CEP112: variants seen among roughly 807,000 people sequenced by gnomAD.
CEP112 encodes the protein centrosomal protein 112, also known as centrosomal protein of 112 kDa.
A neutral mutation model predicts 153.0 loss-of-function variants in CEP112; 127 were observed. The ratio of observed to expected loss-of-function variants is 0.83; its 90% confidence interval spans 0.72 to 0.96. The LOEUF is 0.96. CEP112 is among the 40% of genes least tolerant of loss of function. The probability of loss-of-function intolerance (pLI) is 0.00; values close to 1 mark genes in which losing one functional copy is unlikely to be tolerated. For missense variants in CEP112, 1,089 were observed against 1,101.2 expected, an observed-to-expected ratio of 0.99 and a Z score of 0.16; for synonymous variants, 358 against 374.4, an observed-to-expected ratio of 0.96 and a Z score of 0.51.
chr17:65,744,950 C>T (rs539821015), intron 22 of CEP112, among the ~76,000 whole-genome samples: 132 of 152,290 alleles, frequency 8.7e-4, no homozygotes, highest in Middle Eastern at 6.8e-3. Flanking sequence ...TGGTGAGAAA[C>T]TCTGGACAAG....
At chr17:65,715,257 C>G (rs953622081) in intron 23 of CEP112, among the ~76,000 whole-genome samples, 7 of 151,934 alleles carry the variant, frequency 4.6e-5, no homozygotes, top group African/African-American at 1.5e-4. Flanking sequence ...AGTCTGGAAC[C>G]TGAAGAGAAG....
intron 12 of CEP112, among the ~76,000 whole-genome samples, chr17:66,050,490 G>T (rs761217105): frequency 1.2e-4 from 18 of 152,160 alleles, no homozygotes; most frequent in Non-Finnish European, 2.5e-4. Context: ...AGTGTCTTCT[G>T]CTGAGTTGTA....
intron 23 of CEP112, among the ~76,000 whole-genome samples, chr17:65,713,893 T>C (rs2049343514): frequency 6.6e-6 from 1 of 152,010 alleles, no homozygotes; most frequent in Non-Finnish European, 1.5e-5. Context: ...CAGCCGTCGA[T>C]TGACTTTCCT....
chr17:65,790,735 C>T (rs1171569115), intron 21 of CEP112, among the ~76,000 whole-genome samples: 11 of 152,156 alleles, frequency 7.2e-5, no homozygotes, highest in Admixed American at 7.2e-4. Flanking sequence ...ACCCAGGGGC[C>T]TTAGATTTAG....
intron 4 of CEP112, among the ~76,000 whole-genome samples, chr17:66,154,384 G>A (rs147186051): frequency 0.02 from 2,876 of 145,224 alleles, 65 homozygotes; most frequent in African/African-American, 0.067. Context: ...GTGTGGGGGG[G>A]GGAGCCTGTA....
chr17:65,873,304 C>G (rs2058725017), intron 20 of CEP112, among the ~76,000 whole-genome samples: 1 of 152,202 alleles, frequency 6.6e-6, no homozygotes, highest in Non-Finnish European at 1.5e-5. Context: ...AGGTTACCAC[C>G]AGTTTCTCAA....
intron 19 of CEP112, among the ~76,000 whole-genome samples, chr17:65,909,509 C>T (rs987929983): frequency 6.6e-6 from 1 of 152,164 alleles, no homozygotes; most frequent in Non-Finnish European, 1.5e-5. Flanking sequence ...AAAACCTTCC[C>T]TATAAAACCC....
chr17:66,101,174 T>C lies in CEP112; in HGVS notation c.643-4542A>G, dbSNP rs7208856. 4.2e-3 allele frequency among the ~76,000 whole-genome samples: 646 copies of C among 152,200 alleles called. 5 individuals carry two copies. The highest frequency in any genetic ancestry group is 0.015 in the African/African-American group (620 of 41,556). On this transcript the variant is annotated intron_variant, in intron 6 of 26. Transcript: ENST00000535342. Reference sequence around the variant, plus strand: ...TCAAAAAGATTAGACATTTATAACTTTATTTATTTATATATTTATGAAAAA... The same window carrying C: ...TCAAAAAGATTAGACATTTATAACTCTATTTATTTATATATTTATGAAAAA...
chr17:66,020,290 A>G (rs529259132), intron 16 of CEP112, among the ~76,000 whole-genome samples: 1 of 152,312 alleles, frequency 6.6e-6, no homozygotes, highest in African/African-American at 2.4e-5. Flanking sequence ...TATACTTAAC[A>G]TTTTGTATTG....
At position 65,752,438 on chromosome 17, in the gene CEP112, C is replaced by G. The variant is rs557385870; in HGVS notation, c.2395-1714G>C. 5.3e-5 allele frequency among the ~76,000 whole-genome samples: 8 copies of G among 152,270 alleles called. No individual in the cohort carries two copies. The South Asian group carries it at 1.0e-3, about 20-fold the overall frequency. ...TCCTCCAGTTTCCTGCCAGGCAGCA[C>G]AAATCTGATGGCCAGTATTTTCAGA... On this transcript the variant is annotated intron_variant, in intron 21 of 26. Coordinates refer to ENST00000535342, the MANE Select transcript of CEP112 (RefSeq NM_001199165.4).
chr17:65,965,196 T>A (rs902548383), intron 17 of CEP112, among the ~76,000 whole-genome samples: 36 of 152,218 alleles, frequency 2.4e-4, no homozygotes, highest in African/African-American at 8.0e-4. Flanking sequence ...TATGACCACA[T>A]AAATCAAAGT....
intron 24 of CEP112, among the ~76,000 whole-genome samples, chr17:65,681,424 A>C (rs960378688): frequency 6.6e-6 from 1 of 151,638 alleles, no homozygotes; most frequent in Non-Finnish European, 1.5e-5. Context: ...GGCTTCTGCT[A>C]TATCTGCATC....
chr17:66,132,545 C>G (rs1012922573), intron 5 of CEP112, 125 bp downstream of exon 5: 4 of 714,008 alleles, frequency 5.6e-6, no homozygotes, highest in Non-Finnish European at 7.3e-6. Flanking sequence ...GGATGTTCAC[C>G]AGAATCATCC....
intron 8 of CEP112, among the ~76,000 whole-genome samples, chr17:66,089,402 C>T (rs2146233081): frequency 6.6e-6 from 1 of 152,136 alleles, no homozygotes; most frequent in African/African-American, 2.4e-5. Context: ...TTTAAGGAAG[C>T]TTAGTGAGCT....
intron 20 of CEP112, among the ~76,000 whole-genome samples, chr17:65,900,094 A>G (rs1182973569): frequency 6.6e-6 from 1 of 152,190 alleles, no homozygotes; most frequent in African/African-American, 2.4e-5. Flanking sequence ...TAAATAACCA[A>G]AGATAAATAC....
intron 12 of CEP112, among the ~76,000 whole-genome samples, chr17:66,038,888 G>A (rs2065855347): frequency 6.6e-6 from 1 of 152,176 alleles, no homozygotes; most frequent in East Asian, 1.9e-4. Context: ...TATGGAGTAA[G>A]AGGAGACAGG....
chr17:65,759,497 T>C (rs1262057186), intron 21 of CEP112, among the ~76,000 whole-genome samples: 1 of 152,158 alleles, frequency 6.6e-6, no homozygotes, highest in Non-Finnish European at 1.5e-5. Context: ...ATAACAAATA[T>C]TTGTATTTAA....
chr17:65,711,067 T>C lies in CEP112; in HGVS notation c.2608-21849A>G, dbSNP rs528492009. The stretch of plus-strand genomic sequence containing the variant: ...GGTGGCGAACTGGAGCTTCACTTTC[T>C]CTCTAGCAGCGTGGCTGGAGGCAGG... On this transcript the variant is annotated intron_variant, in intron 23 of 26. Coordinates refer to ENST00000535342, the MANE Select transcript of CEP112 (RefSeq NM_001199165.4). Among the ~76,000 whole-genome samples the C allele has an allele frequency of 3.7e-4, 56 of 152,306 alleles. 1 individual carries two copies. In the South Asian group the frequency reaches 0.012, roughly 32 times the overall value.
At chr17:65,693,273 C>A (rs923107804) in intron 23 of CEP112, among the ~76,000 whole-genome samples, 1 of 152,062 alleles carries the variant, frequency 6.6e-6, no homozygotes, top group Non-Finnish European at 1.5e-5. Context: ...GTTACACCTG[C>A]CCCCTGTCCC....
Sources: allele counts gnomAD v4.1 joint callset (sites outside exome capture counted in the v4.1 genomes callset), GRCh38; gene constraint gnomAD v4.1.1; transcripts MANE v1.5; gene names NCBI Gene and HGNC (gene_info 2026-07-23, HGNC 2026-07-21).